The following TLE3 variants were observed in gnomAD, a reference collection of about 807,000 sequenced individuals.
TLE3 encodes the protein transducin-like enhancer protein 3.
A neutral mutation model predicts 93.0 loss-of-function variants in TLE3; 14 were observed. That is an observed-to-expected ratio of 0.15 (90% CI 0.10 to 0.24). The LOEUF is 0.24. Ranked by LOEUF, TLE3 falls within the 10% of genes least tolerant of loss-of-function variation. The pLI, the probability that TLE3 is intolerant of heterozygous loss-of-function variation, is 1.00. For synonymous variants in TLE3, 451 were observed against 425.0 expected (o/e 1.06, Z -0.75); for missense variants, 693 against 1,046.6 (o/e 0.66, Z 4.66).
intron 7 of TLE3, among the ~76,000 whole-genome samples, chr15:70,064,766 T>A (rs1194772430): frequency 2.0e-5 from 3 of 152,160 alleles, no homozygotes; most frequent in Non-Finnish European, 4.4e-5. Flanking sequence ...AGGGTAGGCC[T>A]TTGACCCAGT....
intron 18 of TLE3, among the ~76,000 whole-genome samples, 198 bp from the exon 19 acceptor site, chr15:70,051,665 G>A (rs2055558273): frequency 1.3e-5 from 2 of 150,830 alleles, no homozygotes; most frequent in African/African-American, 4.9e-5. Context: ...CAGGGGGAGG[G>A]CTGGGCGGGG....
intron 4 of TLE3, among the ~76,000 whole-genome samples, chr15:70,085,086 C>T (rs2141960726): frequency 6.6e-6 from 1 of 152,306 alleles, no homozygotes; most frequent in African/African-American, 2.4e-5. Context: ...TGGTGGCTGC[C>T]TTACTGAAGA....
chr15:70,065,989 A>AGGCC, intron 7 of TLE3, 25 bp downstream of exon 7: 1 of 712,578 alleles, frequency 1.4e-6, no homozygotes, highest in Non-Finnish European at 2.3e-6. Context: ...GCCCCGCCCC[A>AGGCC]CCCTCTGCCC....
chr15:70,096,933 C>T lies in TLE3; in HGVS notation c.-135G>A, dbSNP rs1476854075. 3 of 1,015,026 alleles carry T rather than the reference C, an allele frequency of 3.0e-6. No individual in the cohort carries two copies. Among genetic ancestry groups the T allele is most frequent in the African/African-American group, 1.7e-5 (1 of 60,420 alleles). The allele number at this position is 1,015,026 out of a possible 1,614,324, so 62.9% of individuals were successfully genotyped here. A position where few individuals can be genotyped will look rare whatever the true frequency, so the allele number is the denominator to read the frequency against. Reference sequence around the variant, plus strand: ...GAGCTCGCCCCCGGCCCCCCCAGCTCGTTCTCGCAGCGAAATCCCAGAGTC... The same window carrying T: ...GAGCTCGCCCCCGGCCCCCCCAGCTTGTTCTCGCAGCGAAATCCCAGAGTC... On this transcript the variant is annotated 5_prime_UTR_variant, in exon 1 of 20. Transcript: ENST00000451782.
At chr15:70,076,221 G>C (rs1299525364) in intron 4 of TLE3, 63 bp from the exon 5 acceptor site, 4 of 1,541,382 alleles carry the variant, frequency 2.6e-6, no homozygotes, top group Non-Finnish European at 3.6e-6. Context: ...AAATGTCATA[G>C]GCAAGTGGAA....
In TLE3 at chr15:70,058,919, G is replaced by A. The variant is rs1200572522; in HGVS notation, c.766-104C>T. Reference sequence around the variant, plus strand: ...GAGAGGGCATGGGCGATGGGAAGACGAGCTTGGCTGAAAGACTGGGGGCCC... The same window carrying A: ...GAGAGGGCATGGGCGATGGGAAGACAAGCTTGGCTGAAAGACTGGGGGCCC... On this transcript the variant is annotated intron_variant, in intron 10 of 19. Transcript: ENST00000451782. The surrounding 1 kb of genome is among the most constrained non-coding windows in gnomAD (Gnocchi z 4.1). The A allele has an allele frequency of 1.0e-5, 14 of 1,400,902 alleles. No individual in the cohort carries two copies. Among genetic ancestry groups the A allele is most frequent in the East Asian group, 2.6e-5 (1 of 37,744 alleles). 86.8% of individuals were successfully genotyped at this position (1,400,902 alleles called of 1,614,324 possible).
chr15:70,074,279 G>A (rs536121657), intron 6 of TLE3, among the ~76,000 whole-genome samples: 3 of 152,344 alleles, frequency 2.0e-5, no homozygotes, highest in East Asian at 3.9e-4. Context: ...AGTGGAAGAT[G>A]AGGCAGATGG....
In TLE3 at chr15:70,097,285, T is replaced by A; in HGVS notation, c.-487A>T. ...CATCCGGGGCGCGCGGGTCCGATCC[T>A]AGAGGCGTCCGGGCCTGGGGCTCGC... On this transcript the variant is annotated 5_prime_UTR_variant, in exon 1 of 20. Transcript: ENST00000451782. 1 of 401,496 alleles carries A rather than the reference T, an allele frequency of 2.5e-6. No individual in the cohort carries two copies. 24.9% of individuals were successfully genotyped at this position (401,496 alleles called of 1,614,324 possible). A position where few individuals can be genotyped will look rare whatever the true frequency, so the allele number is the denominator to read the frequency against.
chr15:70,083,419 G>A (rs1270905008), intron 4 of TLE3, among the ~76,000 whole-genome samples: 1 of 152,156 alleles, frequency 6.6e-6, no homozygotes, highest in African/African-American at 2.4e-5. Flanking sequence ...GGGGGGAGAT[G>A]GCTCTCAAAG....
At chr15:70,059,268 T>C in intron 10 of TLE3, 142 bp downstream of exon 10, 2 of 987,126 alleles carry the variant, frequency 2.0e-6, no homozygotes, top group Non-Finnish European at 2.9e-6. Context: ...CTTGACCCCC[T>C]GAGACCCCAA....
intron 8 of TLE3, 128 bp downstream of exon 8, chr15:70,064,326 A>C: frequency 9.0e-7 from 1 of 1,115,630 alleles, no homozygotes; most frequent in Non-Finnish European, 1.3e-6. Flanking sequence ...ACAGAGCAGA[A>C]GCGGGAACCC....
intron 4 of TLE3, among the ~76,000 whole-genome samples, chr15:70,078,505 G>A (rs755863206): frequency 2.1e-4 from 32 of 152,370 alleles, no homozygotes; most frequent in South Asian, 6.2e-4. Context: ...TAGCTGCTCC[G>A]TAAATGTTTG....
Position 70,097,443 on chromosome 15 carries a change from C to T in TLE3, c.-645G>A. 2 of 417,756 alleles carry T rather than the reference C, an allele frequency of 4.8e-6. No homozygotes were observed. Among genetic ancestry groups the T allele is most frequent in the Non-Finnish European group, 8.4e-6 (2 of 238,518 alleles). 25.9% of individuals were successfully genotyped at this position (417,756 alleles called of 1,614,324 possible). A position where few individuals can be genotyped will look rare whatever the true frequency, so the allele number is the denominator to read the frequency against. On this transcript the variant is annotated 5_prime_UTR_variant, in exon 1 of 20. Coordinates refer to ENST00000451782, the MANE Select transcript of TLE3 (RefSeq NM_001105192.3). ...AGAGGAGAGCCTGCTGTTCCGTCTG[C>T]TACTGCCGCTGCCGCCGCCGCCGCC...
rs536847024 is a variant in TLE3 at position 70,097,459 on chromosome 15, C to T, written c.-661G>A. On this transcript the variant is annotated 5_prime_UTR_variant, in exon 1 of 20. Transcript: ENST00000451782. Reference sequence around the variant, plus strand: ...TTCCGTCTGCTACTGCCGCTGCCGCCGCCGCCGCCGCCGCTGCAAGCCCTT... The same window carrying T: ...TTCCGTCTGCTACTGCCGCTGCCGCTGCCGCCGCCGCCGCTGCAAGCCCTT... 43 of 416,328 alleles carry T rather than the reference C, an allele frequency of 1.0e-4. No homozygotes were observed. The highest frequency in any genetic ancestry group is 1.3e-4 in the Non-Finnish European group (32 of 237,616). The allele number at this position is 416,328 out of a possible 1,614,324, so 25.8% of individuals were successfully genotyped here.
At chr15:70,089,208 G>T (rs1350912796) in intron 4 of TLE3, among the ~76,000 whole-genome samples, 16 of 152,186 alleles carry the variant, frequency 1.1e-4, no homozygotes, top group Admixed American at 2.0e-4. Flanking sequence ...AGCCCTCAGT[G>T]AAGTCTGCTC....
In TLE3 at chr15:70,058,801, G is replaced by C. The variant is rs370832784; in HGVS notation, c.780C>G (p.Pro260=). The C allele has an allele frequency of 4.4e-5, 70 of 1,584,148 alleles. No individual in the cohort carries two copies. Among genetic ancestry groups the C allele is most frequent in the Non-Finnish European group, 5.7e-5 (66 of 1,167,416 alleles). The part of the protein sequence containing the change: ...VDVSNEDPAT[P]RVSPAHSPPE... ...GAGGGGAGTGTGCCGGGCTGACCCGGGGCGTTGCGGGGTCCTGAAAACACA... is the reference window on the plus strand; with the variant it reads ...GAGGGGAGTGTGCCGGGCTGACCCGCGGCGTTGCGGGGTCCTGAAAACACA... The change falls in exon 11 of 20, where the codon CCC becomes CCG. Residue 260 remains proline (P), a synonymous_variant. Coordinates refer to ENST00000451782, the MANE Select transcript of TLE3 (RefSeq NM_001105192.3). The surrounding 1 kb of genome is among the most constrained non-coding windows in gnomAD (Gnocchi z 4.1).
chr15:70,085,738 C>T (rs2058010753), intron 4 of TLE3, among the ~76,000 whole-genome samples: 1 of 152,222 alleles, frequency 6.6e-6, no homozygotes, highest in South Asian at 2.1e-4. Context: ...GTCTTTCGAG[C>T]TCTAAACCAG....
At chr15:70,066,331 G>A (rs1405431718) in intron 6 of TLE3, 113 bp from the exon 7 acceptor site, 1 of 1,004,704 alleles carries the variant, frequency 1.0e-6, no homozygotes, top group East Asian at 3.0e-5. Flanking sequence ...TCCTTCACTG[G>A]GTGGGTGGCA....
Position 70,096,918 on chromosome 15 carries a change from C to T in TLE3, c.-120G>A, listed in dbSNP as rs748864386. 8.9e-7 allele frequency: 1 copy of T among 1,124,548 alleles called. No individual in the cohort carries two copies. The highest frequency in any genetic ancestry group is 1.3e-5 in the South Asian group (1 of 75,158). The allele number at this position is 1,124,548 out of a possible 1,614,324, so 69.7% of individuals were successfully genotyped here. A position where few individuals can be genotyped will look rare whatever the true frequency, so the allele number is the denominator to read the frequency against. ...CGGCCGGGAAACCGAGAGCTCGCCCCCGGCCCCCCCAGCTCGTTCTCGCAG... is the reference window on the plus strand; with the variant it reads ...CGGCCGGGAAACCGAGAGCTCGCCCTCGGCCCCCCCAGCTCGTTCTCGCAG... On this transcript the variant is annotated 5_prime_UTR_variant, in exon 1 of 20. Coordinates refer to ENST00000451782, the MANE Select transcript of TLE3 (RefSeq NM_001105192.3).
Sources: gnomAD v4.1 joint callset for allele counts (sites outside exome capture counted in the v4.1 genomes callset) on GRCh38, gnomAD v4.1.1 for gene constraint, Gnocchi (gnomAD v3.1) non-coding constraint, MANE v1.5 for transcripts, NCBI Gene and HGNC (gene_info 2026-07-23, HGNC 2026-07-21) for gene names.